The following FSHR variants were observed in gnomAD, a reference collection of about 807,000 sequenced individuals.
The protein encoded by FSHR is follicle stimulating hormone receptor.
A neutral mutation model predicts 52.1 loss-of-function variants in FSHR; 46 were observed. The observed-to-expected ratio is 0.88, with a 90% CI of 0.70 to 1.13. FSHR has a LOEUF of 1.13. FSHR is among the 50% of genes most tolerant of loss of function. The pLI is 0.00. For missense variants in FSHR, 964 were observed against 834.6 expected (o/e 1.16, Z -1.91); for synonymous variants, 399 against 309.6 (o/e 1.29, Z -3.03).
At chr2:48,985,825 T>C (rs946233231) in intron 6 of FSHR, among the ~76,000 whole-genome samples, 44 of 138,022 alleles carry the variant, frequency 3.2e-4, no homozygotes, top group East Asian at 2.2e-3. Context: ...GCCATTCTCC[T>C]GCCTCAGCCT....
chr2:49,017,259 G>T (rs1047133444), intron 4 of FSHR, among the ~76,000 whole-genome samples: 1 of 152,060 alleles, frequency 6.6e-6, no homozygotes, highest in Non-Finnish European at 1.5e-5. Flanking sequence ...TAATGCAAAT[G>T]GCATTTCTTA....
chr2:49,097,013 C>T (rs1670845537), intron 1 of FSHR, among the ~76,000 whole-genome samples: 1 of 152,154 alleles, frequency 6.6e-6, no homozygotes, highest in Admixed American at 6.6e-5. Context: ...GTAAAGCCTG[C>T]AGAACTATGA....
At chr2:48,968,056 G>A (rs1674559257) in intron 9 of FSHR, among the ~76,000 whole-genome samples, 1 of 152,178 alleles carries the variant, frequency 6.6e-6, no homozygotes, top group Non-Finnish European at 1.5e-5. Context: ...ACTCTTTCCA[G>A]ATCCTGTCTA....
chr2:49,108,096 G>A (rs1671297658), intron 1 of FSHR, among the ~76,000 whole-genome samples: 3 of 152,090 alleles, frequency 2.0e-5, no homozygotes, highest in East Asian at 1.9e-4. Context: ...AATCTGTCGA[G>A]GTCCTGAATA....
intron 1 of FSHR, among the ~76,000 whole-genome samples, chr2:49,109,524 G>A (rs1671350879): frequency 6.6e-6 from 1 of 152,122 alleles, no homozygotes; most frequent in Admixed American, 6.6e-5. Context: ...CAAGCGCATG[G>A]AGGACATAGT....
At chr2:49,001,140 A>T (rs1666867692) in intron 4 of FSHR, among the ~76,000 whole-genome samples, 1 of 152,168 alleles carries the variant, frequency 6.6e-6, no homozygotes, top group Non-Finnish European at 1.5e-5. Context: ...TCTGAGCCAG[A>T]AATAATAATG....
chr2:49,113,299 C>T (rs981385458), intron 1 of FSHR, among the ~76,000 whole-genome samples: 1 of 152,174 alleles, frequency 6.6e-6, no homozygotes, highest in Non-Finnish European at 1.5e-5. Context: ...TGGCAGATGG[C>T]TGTATGCAGC....
At chr2:49,088,828 C>T (rs1200936723) in intron 1 of FSHR, among the ~76,000 whole-genome samples, 1 of 145,422 alleles carries the variant, frequency 6.9e-6, no homozygotes, top group Non-Finnish European at 1.5e-5. Context: ...GAAAGCTGAT[C>T]ACTACTCCAT....
intron 1 of FSHR, among the ~76,000 whole-genome samples, chr2:49,071,699 G>C (rs367612940): frequency 2.0e-5 from 3 of 152,274 alleles, no homozygotes; most frequent in African/African-American, 7.2e-5. Flanking sequence ...TCTGCAGGCT[G>C]TACAAGAAAC....
chr2:48,974,704 A>G (rs1674902728), intron 8 of FSHR, among the ~76,000 whole-genome samples: 1 of 152,156 alleles, frequency 6.6e-6, no homozygotes, highest in Non-Finnish European at 1.5e-5. Flanking sequence ...CAGAAAATAC[A>G]ACATATCTCT....
At chr2:49,065,343 G>A (rs972458338) in intron 2 of FSHR, among the ~76,000 whole-genome samples, 2 of 152,104 alleles carry the variant, frequency 1.3e-5, no homozygotes, top group African/African-American at 4.8e-5. Flanking sequence ...GGTTATGTAA[G>A]TGATGATGAG....
At chr2:49,022,292 T>C (rs1282197911) in intron 2 of FSHR, among the ~76,000 whole-genome samples, 2 of 124,264 alleles carry the variant, frequency 1.6e-5, no homozygotes, top group Non-Finnish European at 3.5e-5. Flanking sequence ...TAGAACAAAG[T>C]AAAGAAACAC....
At chr2:49,020,057 T>C (rs780215158) in intron 3 of FSHR, 29 bp downstream of exon 3, 7 of 1,599,000 alleles carry the variant, frequency 4.4e-6, no homozygotes, top group Non-Finnish European at 6.0e-6. Flanking sequence ...AGAATGGCCA[T>C]GAGCAAATCC....
At chr2:49,006,049 C>A (rs1055601961) in intron 4 of FSHR, among the ~76,000 whole-genome samples, 1 of 152,094 alleles carries the variant, frequency 6.6e-6, no homozygotes, top group East Asian at 1.9e-4. Flanking sequence ...CTGGATACTT[C>A]CTGTCCTTGA....
At chr2:49,053,571 C>A (rs1339733213) in intron 2 of FSHR, among the ~76,000 whole-genome samples, 4 of 152,074 alleles carry the variant, frequency 2.6e-5, no homozygotes, top group Admixed American at 6.5e-5. Context: ...TTTTTCCCCC[C>A]ACAAAGTCTC....
chr2:49,105,826 G>A (rs932586703), intron 1 of FSHR, among the ~76,000 whole-genome samples: 1 of 152,066 alleles, frequency 6.6e-6, no homozygotes, highest in Non-Finnish European at 1.5e-5. Flanking sequence ...CACCATGTGA[G>A]GCTGGCTGTA....
At chr2:49,043,721 C>T (rs1668561039) in intron 2 of FSHR, among the ~76,000 whole-genome samples, 2 of 152,190 alleles carry the variant, frequency 1.3e-5, no homozygotes, top group South Asian at 4.1e-4. Flanking sequence ...AGCTTCTTTT[C>T]TTCTATTCCT....
At chr2:49,011,268 G>T (rs1291216756) in intron 4 of FSHR, among the ~76,000 whole-genome samples, 1 of 151,858 alleles carries the variant, frequency 6.6e-6, no homozygotes, top group Non-Finnish European at 1.5e-5. Context: ...ATTTATTTCT[G>T]CCTTCATTTC....
intron 1 of FSHR, among the ~76,000 whole-genome samples, chr2:49,128,992 A>T (rs1418141039): frequency 1.3e-5 from 2 of 151,506 alleles, no homozygotes. Context: ...TCACATCCTC[A>T]TCTTTGAAGG....
Sources: allele counts gnomAD v4.1 joint callset (sites outside exome capture counted in the v4.1 genomes callset), GRCh38; gene constraint gnomAD v4.1.1; transcripts MANE v1.5; gene names NCBI Gene and HGNC (gene_info 2026-07-23, HGNC 2026-07-21).